The following ROBO2 variants were observed in gnomAD, a reference collection of about 807,000 sequenced individuals.
ROBO2 encodes the protein roundabout homolog 2.
A neutral mutation model predicts 160.8 loss-of-function variants in ROBO2; 53 were observed. The ratio of observed to expected loss-of-function variants is 0.33; its 90% CI spans 0.26 to 0.41. ROBO2 has a LOEUF of 0.41. Among genes scored for constraint, ROBO2 ranks in the 10% least tolerant of loss-of-function variants. The probability of loss-of-function intolerance (pLI) is 1.00; values close to 1 mark genes in which losing one functional copy is unlikely to be tolerated. For synonymous variants in ROBO2, 664 were observed against 611.7 expected, an observed-to-expected ratio of 1.09 and a Z score of -1.26; for missense variants, 1,577 against 1,722.4, an observed-to-expected ratio of 0.92 and a Z score of 1.49.
chr3:76,599,554 G>A (rs1488196196), intron 2 of ROBO2, among the ~76,000 whole-genome samples: 1 of 151,974 alleles, frequency 6.6e-6, no homozygotes, highest in African/African-American at 2.4e-5. Context: ...TATTCCTTTG[G>A]GTATATACCC....
At chr3:77,289,604 A>C (rs1202650193) in intron 2 of ROBO2, among the ~76,000 whole-genome samples, 2 of 152,142 alleles carry the variant, frequency 1.3e-5, no homozygotes, top group Non-Finnish European at 2.9e-5. Context: ...ACATAAAGTA[A>C]AATTGACGGT....
At chr3:77,316,725 T>C (rs2064032644) in intron 2 of ROBO2, 2 of 901,828 alleles carry the variant, frequency 2.2e-6, no homozygotes, top group Non-Finnish European at 3.7e-6. Context: ...CAAAATAGTT[T>C]AAATTAAACA....
At position 76,248,507 on chromosome 3, in the gene ROBO2, G is replaced by C. The variant is rs184693324; in HGVS notation, c.109+310905G>C. 3.0e-3 allele frequency among the ~76,000 whole-genome samples: 441 copies of C among 144,738 alleles called. 1 individual carries two copies. Among genetic ancestry groups the C allele is most frequent in the African/African-American group, 0.011 (420 of 38,388 alleles). The allele number at this position is 144,738 out of a possible 152,430, so 95.0% of individuals were successfully genotyped here. On this transcript the variant is annotated intron_variant, in intron 2 of 26. Coordinates refer to the ROBO2 transcript ENST00000487694. The stretch of plus-strand genomic sequence containing the variant: ...GGACTGTGGTGGGGTCGGGGGAGGG[G>C]GGAGGGATAGCATTGGGAGATATAC...
At chr3:76,433,155 G>C (rs917039456) in intron 2 of ROBO2, among the ~76,000 whole-genome samples, 2 of 152,076 alleles carry the variant, frequency 1.3e-5, no homozygotes, top group Admixed American at 1.3e-4. Flanking sequence ...TTATTAGTGG[G>C]ACTACATTAA....
rs2092228784 is a variant in ROBO2 at position 76,670,598 on chromosome 3, A to T, written c.110-427416A>T. Among the ~76,000 whole-genome samples, 7 of 152,164 alleles carry T rather than the reference A, an allele frequency of 4.6e-5. No homozygotes were observed. The South Asian group carries it at 1.5e-3, about 32-fold the overall frequency. On this transcript the variant is annotated intron_variant, in intron 2 of 26. Transcript: ENST00000487694. The stretch of plus-strand genomic sequence containing the variant: ...CATTCTTCATTCATACTGATCTATT[A>T]CATGCTGTAAGGAGCATGAAAGGGT...
intron 2 of ROBO2, among the ~76,000 whole-genome samples, chr3:76,059,012 G>C (rs1156613954): frequency 2.0e-5 from 3 of 150,516 alleles, no homozygotes; most frequent in East Asian, 2.0e-4. Context: ...GTATTCCATG[G>C]TGTATATGTG....
At chr3:77,238,615 A>T (rs1175093004) in intron 2 of ROBO2, among the ~76,000 whole-genome samples, 1 of 152,148 alleles carries the variant, frequency 6.6e-6, no homozygotes, top group Non-Finnish European at 1.5e-5. Flanking sequence ...TTTTAATATA[A>T]CTCCAAGTAT....
intron 2 of ROBO2, among the ~76,000 whole-genome samples, chr3:76,367,789 T>C (rs1248388506): frequency 6.6e-6 from 1 of 151,974 alleles, no homozygotes; most frequent in Non-Finnish European, 1.5e-5. Context: ...ATTTAGAAGA[T>C]GTAACCAGGT....
chr3:77,577,342 A>G (rs1187985132), intron 14 of ROBO2, 148 bp from the exon 16 acceptor site: 1 of 861,330 alleles, frequency 1.2e-6, no homozygotes. Context: ...ATTTCTCAAA[A>G]AAACTGTCAC....
intron 1 of ROBO2, among the ~76,000 whole-genome samples, chr3:77,076,801 T>C (rs971649482): frequency 2.6e-5 from 4 of 152,224 alleles, no homozygotes; most frequent in Non-Finnish European, 4.4e-5. Flanking sequence ...ATTTTGAGTT[T>C]TCGTGTGTTT....
rs144413773 is a variant in ROBO2, at chr3:76,239,289, T to C, written c.109+301687T>C. Among the ~76,000 whole-genome samples, 1,191 of 152,184 alleles carry C rather than the reference T, an allele frequency of 7.8e-3. 41 individuals carry two copies. In the East Asian group the frequency reaches 0.085, roughly 11 times the overall value. ...GATACTACTAAATAATCCTATTTAA[T>C]AGAAAAATTCAAAATTATCTGGCAT... On this transcript the variant is annotated intron_variant, in intron 2 of 26. Transcript: ENST00000487694.
chr3:76,250,165 A>G (rs1705900028), intron 2 of ROBO2, among the ~76,000 whole-genome samples: 1 of 152,118 alleles, frequency 6.6e-6, no homozygotes, highest in South Asian at 2.1e-4. Context: ...AATATACAAA[A>G]ACAAGCAAAC....
intron 18 of ROBO2, among the ~76,000 whole-genome samples, chr3:77,595,692 G>A (rs1272000577): frequency 2.0e-5 from 3 of 152,182 alleles, no homozygotes; most frequent in African/African-American, 7.2e-5. Flanking sequence ...TGCCAATATG[G>A]AGATTGTAAT....
In ROBO2 at chr3:77,060,872, T is replaced by C. The variant is rs1038757233; in HGVS notation, c.61+20026T>C. Among the ~76,000 whole-genome samples, 21 of 152,174 alleles carry C rather than the reference T, an allele frequency of 1.4e-4. 1 individual carries two copies. Among genetic ancestry groups the C allele is most frequent in the African/African-American group, 4.6e-4 (19 of 41,444 alleles). ...ATATTTTACTCTTTGGTTGGAGTTA[T>C]TGACTTAAACATCTAGCAGAGATAA... On this transcript the variant is annotated intron_variant, in intron 1 of 25. Coordinates refer to ENST00000461745, the Ensembl canonical transcript of ROBO2.
intron 1 of ROBO2, among the ~76,000 whole-genome samples, chr3:75,932,384 T>G (rs1160949313): frequency 1.3e-5 from 2 of 152,204 alleles, no homozygotes; most frequent in African/African-American, 2.4e-5. Flanking sequence ...AAAACTGGGT[T>G]ACTGTGAAAT....
At chr3:75,973,120 GT>G (rs2065042249) in intron 2 of ROBO2, among the ~76,000 whole-genome samples, 1 of 151,692 alleles carries the variant, frequency 6.6e-6, no homozygotes, top group Admixed American at 6.6e-5. Flanking sequence ...TTAGTGGTTA[GT>G]TAACAAGAAA....
At chr3:77,562,707 C>T (rs1286821649) in exon 10 of ROBO2, 1 of 1,612,602 alleles carries the variant, frequency 6.2e-7, no homozygotes. Flanking sequence ...GAGAGACTTC[C>T]TGGAGTGCAG....
chr3:77,309,064 G>GTTTTTTTTTTT (rs60708956), intron 2 of ROBO2, among the ~76,000 whole-genome samples: 1 of 145,748 alleles, frequency 6.9e-6, no homozygotes, highest in African/African-American at 2.5e-5. Flanking sequence ...GCTATTTATT[G>GTTTTTTTTTTT]TTTTTTTTTT....
intron 2 of ROBO2, among the ~76,000 whole-genome samples, chr3:76,889,964 G>A (rs913296991): frequency 2.0e-5 from 3 of 152,154 alleles, no homozygotes; most frequent in African/African-American, 7.2e-5. Context: ...ACCTGAGAGA[G>A]AAGTGAGAGC....
Sources: allele counts gnomAD v4.1 joint callset (sites outside exome capture counted in the v4.1 genomes callset), GRCh38; gene constraint gnomAD v4.1.1; transcripts MANE v1.5; gene names NCBI Gene and HGNC (gene_info 2026-07-23, HGNC 2026-07-21).